Variants in SOX5 observed in about 807,000 individuals in gnomAD.
The protein encoded by SOX5 is SRY-box transcription factor 5.
Under a neutral mutation model 92.0 loss-of-function variants are expected in SOX5, and 9 were observed. That is an observed-to-expected ratio of 0.10 (90% CI 0.06 to 0.17). SOX5 has a LOEUF of 0.17. Among genes scored for constraint, SOX5 ranks in the 10% least tolerant of loss-of-function variants. The pLI, the probability that SOX5 is intolerant of heterozygous loss-of-function variation, is 1.00. For missense variants in SOX5, 642 were observed against 944.5 expected (o/e 0.68, Z 4.20); for synonymous variants, 344 against 336.3 (o/e 1.02, Z -0.25).
intron 1 of SOX5, among the ~76,000 whole-genome samples, chr12:24,519,734 G>T (rs1685755834): frequency 6.6e-6 from 1 of 152,146 alleles, no homozygotes; most frequent in African/African-American, 2.4e-5. Context: ...ATCCATGAGA[G>T]AAATGAAACC....
chr12:24,545,826 C>T (rs1410998114), intron 1 of SOX5, among the ~76,000 whole-genome samples: 1 of 152,118 alleles, frequency 6.6e-6, no homozygotes, highest in East Asian at 1.9e-4. Context: ...CACATCCCAC[C>T]CCGATGTTCA....
intron 3 of SOX5, among the ~76,000 whole-genome samples, chr12:23,766,128 C>T (rs1356057783): frequency 6.6e-6 from 1 of 152,136 alleles, no homozygotes; most frequent in African/African-American, 2.4e-5. Context: ...GCTACTATAG[C>T]AGTATTCCCA....
At chr12:23,665,968 T>C (rs1302017302) in intron 6 of SOX5, among the ~76,000 whole-genome samples, 3 of 152,142 alleles carry the variant, frequency 2.0e-5, no homozygotes, top group Non-Finnish European at 2.9e-5. Flanking sequence ...AAAACAAAAC[T>C]AACTAAACCT....
intron 1 of SOX5, among the ~76,000 whole-genome samples, chr12:23,928,877 G>A (rs533042956): frequency 1.3e-5 from 2 of 151,558 alleles, no homozygotes; most frequent in Non-Finnish European, 1.5e-5. Flanking sequence ...TTATTGTATG[G>A]GTGTTTAATT....
intron 1 of SOX5, among the ~76,000 whole-genome samples, chr12:24,505,829 A>ATGTGTGTGTG (rs35993008): frequency 4.0e-5 from 5 of 124,668 alleles, no homozygotes; most frequent in East Asian, 3.7e-4. Flanking sequence ...AAGGCTTGGT[A>ATGTGTGTGTG]TGTGTGTGTG....
intron 3 of SOX5, among the ~76,000 whole-genome samples, chr12:23,833,210 G>T (rs1013542264): frequency 1.5e-4 from 23 of 151,928 alleles, no homozygotes; most frequent in African/African-American, 5.6e-4. Flanking sequence ...AAGACTAGAA[G>T]GAACAGGAAA....
At chr12:23,849,748 C>T (rs1205014977) in intron 2 of SOX5, among the ~76,000 whole-genome samples, 1 of 152,030 alleles carries the variant, frequency 6.6e-6, no homozygotes, top group East Asian at 1.9e-4. Flanking sequence ...CTCTGTCCAT[C>T]CAAATATCTA....
At chr12:24,395,642 C>T (rs1309497709) in intron 1 of SOX5, among the ~76,000 whole-genome samples, 1 of 152,150 alleles carries the variant, frequency 6.6e-6, no homozygotes, top group Non-Finnish European at 1.5e-5. Context: ...TAACATTCTC[C>T]TCATGGAAAG....
At chr12:24,474,444 T>A (rs1007549553) in intron 1 of SOX5, among the ~76,000 whole-genome samples, 1 of 152,200 alleles carries the variant, frequency 6.6e-6, no homozygotes, top group Non-Finnish European at 1.5e-5. Flanking sequence ...AGTTTTGATA[T>A]CTATCATGGG....
intron 4 of SOX5, among the ~76,000 whole-genome samples, chr12:23,973,365 C>T (rs918946157): frequency 4.0e-5 from 6 of 151,586 alleles, no homozygotes; most frequent in Admixed American, 2.0e-4. Context: ...TTCACCATGC[C>T]GGTCAGGCTG....
intron 3 of SOX5, among the ~76,000 whole-genome samples, chr12:23,786,194 A>G (rs1266822711): frequency 1.3e-5 from 2 of 152,020 alleles, no homozygotes; most frequent in Admixed American, 6.5e-5. Context: ...TTATTGGTTT[A>G]TCCCACAACA....
chr12:24,172,079 G>C lies in SOX5; in HGVS notation c.-2+41264C>G, dbSNP rs191255881. Among the ~76,000 whole-genome samples, 5 of 134,116 alleles carry C rather than the reference G, an allele frequency of 3.7e-5. No individual in the cohort carries two copies. In the East Asian group the frequency reaches 1.0e-3, roughly 27 times the overall value. The allele number at this position is 134,116 out of a possible 152,430, so 88.0% of individuals were successfully genotyped here. A position where few individuals can be genotyped will look rare whatever the true frequency, so the allele number is the denominator to read the frequency against. ...ACTATGGCTGGAGAACTGTGTGTGC[G>C]TGTGTGTGTGTGTGCGTGCGCGCGT... On this transcript the variant is annotated intron_variant, in intron 4 of 4. Coordinates refer to the SOX5 transcript ENST00000446891.
intron 2 of SOX5, among the ~76,000 whole-genome samples, chr12:24,317,355 A>G (rs1275244251): frequency 6.6e-6 from 1 of 152,238 alleles, no homozygotes; most frequent in East Asian, 1.9e-4. Flanking sequence ...AACTTTGACT[A>G]AGTACATTTG....
chr12:24,237,493 A>T (rs1964736242), intron 3 of SOX5, among the ~76,000 whole-genome samples: 1 of 152,192 alleles, frequency 6.6e-6, no homozygotes, highest in African/African-American at 2.4e-5. Flanking sequence ...CAGAAGTTAA[A>T]GTCTAATTTT....
chr12:24,111,188 A>C lies in SOX5; in HGVS notation c.-2+102155T>G, dbSNP rs140408510. 2.1e-3 allele frequency among the ~76,000 whole-genome samples: 319 copies of C among 152,284 alleles called. 1 individual carries two copies. The highest frequency in any genetic ancestry group is 7.1e-3 in the African/African-American group (296 of 41,566). On this transcript the variant is annotated intron_variant, in intron 4 of 4. Coordinates refer to the SOX5 transcript ENST00000446891. ...GGGAGGTAAAAATCACCCCCCATTG[A>C]AAACACTGCTCTAAGCAAACCACAT...
chr12:24,561,414 A>G lies in SOX5; in HGVS notation c.-251+915T>C, dbSNP rs570513565. Among the ~76,000 whole-genome samples, 32 of 152,208 alleles carry G rather than the reference A, an allele frequency of 2.1e-4. No homozygotes were observed. The East Asian group carries it at 5.6e-3, about 27-fold the overall frequency. On this transcript the variant is annotated intron_variant, in intron 1 of 4. Transcript: ENST00000446891. ...AAGTGTAGGGAAAATGACTAATAAA[A>G]TATGTAAACAGTGCTTCGTGTGCAT... is the stretch of plus-strand genomic sequence containing the variant.
At chr12:24,303,989 C>A (rs1007335479) in intron 2 of SOX5, among the ~76,000 whole-genome samples, 1 of 152,236 alleles carries the variant, frequency 6.6e-6, no homozygotes, top group South Asian at 2.1e-4. Flanking sequence ...ACTAATGGAG[C>A]TCGATGGTTC....
chr12:24,301,951 G>GTA (rs112817665), intron 2 of SOX5, among the ~76,000 whole-genome samples: 38 of 151,098 alleles, frequency 2.5e-4, no homozygotes, highest in African/African-American at 5.6e-4. Context: ...TTGCTACAAA[G>GTA]TATATATATA....
intron 8 of SOX5, among the ~76,000 whole-genome samples, chr12:23,639,636 G>A (rs567490719): frequency 1.3e-5 from 2 of 152,216 alleles, no homozygotes; most frequent in African/African-American, 4.8e-5. Context: ...GACATTTCCA[G>A]CTCAAAGAAA....
Sources: gnomAD v4.1 joint callset for allele counts (sites outside exome capture counted in the v4.1 genomes callset) on GRCh38, gnomAD v4.1.1 for gene constraint, MANE v1.5 for transcripts, NCBI Gene and HGNC (gene_info 2026-07-23, HGNC 2026-07-21) for gene names.